Variants in DNM3 observed in about 807,000 individuals in gnomAD.
DNM3 encodes the protein dynamin-3.
Under a neutral mutation model 101.6 loss-of-function variants are expected in DNM3, and 47 were observed. That is an observed-to-expected ratio of 0.46 (90% CI 0.37 to 0.59). The LOEUF (loss-of-function observed/expected upper bound fraction) is 0.59. DNM3 is among the 20% of genes least tolerant of loss of function. DNM3 has a pLI of 0.00. For synonymous variants in DNM3, 385 were observed against 387.9 expected, an observed-to-expected ratio of 0.99 and a Z score of 0.09; for missense variants, 849 against 1,085.7, an observed-to-expected ratio of 0.78 and a Z score of 3.06.
chr1:172,272,423 A>T (rs1459096463), intron 15 of DNM3, among the ~76,000 whole-genome samples: 3 of 152,154 alleles, frequency 2.0e-5, no homozygotes, highest in African/African-American at 4.8e-5. Context: ...AATGACCATC[A>T]GTCAGTACCT....
At chr1:171,956,695 T>C (rs1018076551) in intron 2 of DNM3, among the ~76,000 whole-genome samples, 1 of 152,180 alleles carries the variant, frequency 6.6e-6, no homozygotes, top group African/African-American at 2.4e-5. Flanking sequence ...GACTCCACAT[T>C]TCCCTTCCAC....
intron 13 of DNM3, among the ~76,000 whole-genome samples, chr1:172,125,180 C>T (rs563338019): frequency 7.9e-5 from 12 of 152,108 alleles, no homozygotes; most frequent in African/African-American, 2.2e-4. Context: ...AACTATCTAA[C>T]GGTGCATGGA....
At chr1:171,943,172 G>A (rs2041932723) in intron 2 of DNM3, among the ~76,000 whole-genome samples, 1 of 151,902 alleles carries the variant, frequency 6.6e-6, no homozygotes, top group Non-Finnish European at 1.5e-5. Context: ...AAGCCCTAAG[G>A]TGGACACATG....
chr1:171,933,745 C>T (rs1187485079), intron 2 of DNM3, among the ~76,000 whole-genome samples: 5 of 152,102 alleles, frequency 3.3e-5, no homozygotes, highest in Middle Eastern at 3.2e-3. Context: ...GGATTAGCAT[C>T]TGAAAGTGGG....
At chr1:171,969,775 T>C (rs1011945336) in intron 2 of DNM3, among the ~76,000 whole-genome samples, 1 of 152,144 alleles carries the variant, frequency 6.6e-6, no homozygotes, top group Non-Finnish European at 1.5e-5. Context: ...TATTGCTCTC[T>C]GGGCCCTAAT....
At chr1:172,360,779 T>A (rs1384357718) in intron 17 of DNM3, among the ~76,000 whole-genome samples, 1 of 152,048 alleles carries the variant, frequency 6.6e-6, no homozygotes, top group African/African-American at 2.4e-5. Flanking sequence ...CAATCTGTCC[T>A]CATCTTATAA....
chr1:171,941,523 C>G (rs890871510), intron 2 of DNM3, among the ~76,000 whole-genome samples: 1 of 152,120 alleles, frequency 6.6e-6, no homozygotes, highest in Non-Finnish European at 1.5e-5. Context: ...AATACTCCCC[C>G]TCAGGAAAAG....
chr1:172,366,875 G>C (rs1455481914), intron 17 of DNM3, among the ~76,000 whole-genome samples: 2 of 151,716 alleles, frequency 1.3e-5, no homozygotes, highest in Non-Finnish European at 2.9e-5. Flanking sequence ...AGGACCTATT[G>C]GGACACCACT....
At chr1:172,356,727 A>G (rs1346180286) in intron 17 of DNM3, among the ~76,000 whole-genome samples, 1 of 152,060 alleles carries the variant, frequency 6.6e-6, no homozygotes, top group African/African-American at 2.4e-5. Context: ...CTCCACCCAC[A>G]TGCTGGTGAC....
chr1:172,074,823 A>G (rs1233817337), intron 11 of DNM3, among the ~76,000 whole-genome samples: 1 of 152,192 alleles, frequency 6.6e-6, no homozygotes, highest in Non-Finnish European at 1.5e-5. Flanking sequence ...TCCTTTGGGT[A>G]TGTACCCAGT....
At chr1:172,037,568 TAGAA>T (rs772408333) in intron 6 of DNM3, among the ~76,000 whole-genome samples, 6 of 152,196 alleles carry the variant, frequency 3.9e-5, no homozygotes, top group Non-Finnish European at 8.8e-5. Flanking sequence ...TGCATTGTAA[TAGAA>T]AGGCTGTAAG....
intron 10 of DNM3, among the ~76,000 whole-genome samples, chr1:172,065,929 T>C (rs940763191): frequency 1.3e-5 from 2 of 152,202 alleles, no homozygotes; most frequent in African/African-American, 4.8e-5. Flanking sequence ...GAAGATTTAA[T>C]GTATATGAGA....
At chr1:171,893,464 T>G (rs1571459438) in intron 1 of DNM3, among the ~76,000 whole-genome samples, 1 of 151,888 alleles carries the variant, frequency 6.6e-6, no homozygotes, top group Non-Finnish European at 1.5e-5. Context: ...TTTTTTTTTT[T>G]GTCTTTTGAG....
At chr1:172,125,645 A>C (rs1464489769) in intron 13 of DNM3, among the ~76,000 whole-genome samples, 1 of 152,170 alleles carries the variant, frequency 6.6e-6, no homozygotes, top group African/African-American at 2.4e-5. Context: ...TTTAAAAAAA[A>C]CAGTTTGTCT....
In DNM3 at chr1:172,071,086, CATATATATATAT is replaced by C. The variant is rs56255511; in HGVS notation, c.1422+2204_1422+2215del. 2.4e-3 allele frequency among the ~76,000 whole-genome samples: 156 copies of C among 65,080 alleles called. 7 individuals are homozygous for C. The highest frequency in any genetic ancestry group is 0.011 in the African/African-American group (138 of 13,024). The allele number at this position is 65,080 out of a possible 152,430, so 42.7% of individuals were successfully genotyped here. ...GCCTGGGTGACAGAGCAAGACCCTG[CATATATATATAT>C]ATATATATATATATATATATATCTT... On this transcript the variant is annotated intron_variant, in intron 11 of 20. Coordinates refer to ENST00000627582, the MANE Select transcript of DNM3 (RefSeq NM_015569.5).
intron 11 of DNM3, 88 bp from the exon 12 acceptor site, chr1:172,081,744 A>C: frequency 9.6e-7 from 1 of 1,038,122 alleles, no homozygotes; most frequent in South Asian, 1.6e-5. Context: ...AATTATATGA[A>C]GGTAATTAAT....
chr1:172,129,138 C>T (rs1334646466), intron 13 of DNM3, among the ~76,000 whole-genome samples: 1 of 152,154 alleles, frequency 6.6e-6, no homozygotes, highest in Non-Finnish European at 1.5e-5. Context: ...GATTAGCATG[C>T]TACTTGTAAG....
intron 5 of DNM3, 26 bp downstream of exon 5, chr1:172,032,526 C>CTTTTTTT (rs750270768): frequency 5.0e-5 from 18 of 360,806 alleles, no homozygotes; most frequent in Non-Finnish European, 6.7e-5. Context: ...CTATACAAGA[C>CTTTTTTT]TTTTTTTTTT....
At chr1:171,915,005 A>G (rs1294255598) in intron 1 of DNM3, among the ~76,000 whole-genome samples, 1 of 152,184 alleles carries the variant, frequency 6.6e-6, no homozygotes, top group Non-Finnish European at 1.5e-5. Flanking sequence ...ATGTGCCTAG[A>G]CACGAAGTCT....
Sources: gnomAD v4.1 joint callset for allele counts (sites outside exome capture counted in the v4.1 genomes callset) on GRCh38, gnomAD v4.1.1 for gene constraint, MANE v1.5 for transcripts, NCBI Gene and HGNC (gene_info 2026-07-23, HGNC 2026-07-21) for gene names.